Variants in WWP2 observed in about 807,000 individuals in gnomAD.
WWP2 encodes NEDD4-like E3 ubiquitin-protein ligase WWP2.
In WWP2, 57 loss-of-function variants were observed where a neutral mutation model predicts 121.0. The observed-to-expected ratio is 0.47, with a 90% CI of 0.38 to 0.59. The LOEUF (loss-of-function observed/expected upper bound fraction) is 0.59. Ranked by LOEUF, WWP2 falls within the 20% of genes least tolerant of loss-of-function variation. The pLI, the probability that WWP2 is intolerant of heterozygous loss-of-function variation, is 0.00. For synonymous variants in WWP2, 449 were observed against 441.3 expected (o/e 1.02, Z -0.22); for missense variants, 962 against 1,158.9 (o/e 0.83, Z 2.47).
chr16:69,856,972 A>G (rs1311033045), intron 6 of WWP2, among the ~76,000 whole-genome samples: 2 of 151,958 alleles, frequency 1.3e-5, no homozygotes, highest in Non-Finnish European at 2.9e-5. Flanking sequence ...GTTTTAAAAA[A>G]CCATATGATT....
rs139105338 is a variant in WWP2, at chr16:69,931,833, G to A, written c.1625G>A (p.Arg542His). Reference protein sequence around the residue: ...IMNMKPYDLRRRLYIIMRGEE... With the variant: ...IMNMKPYDLRHRLYIIMRGEE... ...AACATGAAACCCTATGACCTGCGCC[G>A]CCGGCTCTACATCATCATGCGTGGC... Residue 542 changes from arginine to histidine, a missense_variant, in exon 16 of 24, where the codon CGC (arginine) becomes CAC (histidine). Transcript: ENST00000359154. The A allele has an allele frequency of 8.3e-5, 134 of 1,613,482 alleles. No homozygotes were observed. Among genetic ancestry groups the A allele is most frequent in the Non-Finnish European group, 1.0e-4 (122 of 1,180,002 alleles).
At chr16:69,768,804 C>T (rs1246434857) in intron 1 of WWP2, among the ~76,000 whole-genome samples, 5 of 152,116 alleles carry the variant, frequency 3.3e-5, no homozygotes, top group Non-Finnish European at 2.9e-5. Flanking sequence ...TGCTCCCTCC[C>T]GTTTTCTCTT....
chr16:69,848,474 G>A (rs1354795557), intron 6 of WWP2, among the ~76,000 whole-genome samples: 2 of 150,194 alleles, frequency 1.3e-5, no homozygotes, highest in Non-Finnish European at 3.0e-5. Flanking sequence ...AAACAAACAA[G>A]AAGCGAAGTG....
chr16:69,866,308 TTATTTATTTATG>T (rs1186834793), intron 6 of WWP2, among the ~76,000 whole-genome samples: 1 of 80,650 alleles, frequency 1.2e-5, no homozygotes, highest in African/African-American at 4.1e-5. Context: ...ATTTATTTAT[TTATTTATTTATG>T]GAGACGGAGT....
intron 8 of WWP2, among the ~76,000 whole-genome samples, chr16:69,903,402 T>A (rs1227051962): frequency 2.0e-5 from 3 of 152,216 alleles, no homozygotes; most frequent in Non-Finnish European, 2.9e-5. Context: ...TTTCTCTCCT[T>A]GTCTCAAATG....
At chr16:69,826,488 G>T (rs1471842352) in intron 4 of WWP2, among the ~76,000 whole-genome samples, 3 of 149,890 alleles carry the variant, frequency 2.0e-5, no homozygotes, top group African/African-American at 7.4e-5. Flanking sequence ...AGGAGAATTG[G>T]CTGAACCCAG....
rs1222637654 is a variant in WWP2, at chr16:69,937,164, A to G, written c.2164A>G (p.Lys722Glu). The G allele has an allele frequency of 6.2e-7, 1 of 1,614,048 alleles. No homozygotes were observed. Among genetic ancestry groups the G allele is most frequent in the Non-Finnish European group, 8.5e-7 (1 of 1,180,004 alleles). The stretch of plus-strand genomic sequence containing the variant: ...CACCCGAGGCGTGGAAGAGCAGACC[A>G]AAGCCTTCCTGGATGGCTTCAACGA... Reference protein sequence around the residue: ...RFTRGVEEQTKAFLDGFNEVA... With the variant: ...RFTRGVEEQTEAFLDGFNEVA... The change falls in exon 20 of 24, where the codon AAA (lysine) becomes GAA (glutamate). Residue 722 changes from lysine to glutamate, a missense_variant. By Grantham distance (56) the Lys-to-Glu change is moderately conservative. Coordinates refer to ENST00000359154, the MANE Select transcript of WWP2 (RefSeq NM_001270454.2). The surrounding 1 kb of genome is among the most constrained non-coding windows in gnomAD (Gnocchi z 6.6).
In WWP2 at chr16:69,899,854, T is replaced by G. The variant is rs183016869; in HGVS notation, c.915-8907T>G. Among the ~76,000 whole-genome samples the G allele has an allele frequency of 4.6e-4, 70 of 152,250 alleles. 1 individual carries two copies. Among genetic ancestry groups the G allele is most frequent in the African/African-American group, 1.5e-3 (61 of 41,540 alleles). ...TCTTACAATCGATGGCATTTTAGATTTGATGAAAAACAATATATAATTTCT... is the reference window on the plus strand; with the variant it reads ...TCTTACAATCGATGGCATTTTAGATGTGATGAAAAACAATATATAATTTCT... On this transcript the variant is annotated intron_variant, in intron 8 of 23. Transcript: ENST00000359154.
chr16:69,790,969 G>C (rs1335568395), intron 2 of WWP2, among the ~76,000 whole-genome samples: 1 of 152,100 alleles, frequency 6.6e-6, no homozygotes, highest in Non-Finnish European at 1.5e-5. Context: ...TTACATTATT[G>C]ATTGTTTTTG....
At chr16:69,792,060 T>C (rs1473723340) in intron 2 of WWP2, among the ~76,000 whole-genome samples, 1 of 152,128 alleles carries the variant, frequency 6.6e-6, no homozygotes, top group Non-Finnish European at 1.5e-5. Flanking sequence ...ACCATTTAAA[T>C]AGCGTAGGTG....
At chr16:69,906,365 C>T (rs765309143) in intron 8 of WWP2, among the ~76,000 whole-genome samples, 3 of 152,176 alleles carry the variant, frequency 2.0e-5, no homozygotes, top group Non-Finnish European at 4.4e-5. Flanking sequence ...AGCCACCGCA[C>T]CCGGCCTTAC....
chr16:69,861,278 G>A lies in WWP2; in HGVS notation c.576-10526G>A, dbSNP rs537439958. Reference sequence around the variant, plus strand: ...CTAGCTCTCTTTGAAGTTTGGGAGGGCATTTGAGCACTCTTCTCAGCTAAG... The same window carrying A: ...CTAGCTCTCTTTGAAGTTTGGGAGGACATTTGAGCACTCTTCTCAGCTAAG... On this transcript the variant is annotated intron_variant, in intron 6 of 23. Transcript: ENST00000359154. Among the ~76,000 whole-genome samples, 36 of 152,298 alleles carry A rather than the reference G, an allele frequency of 2.4e-4. No individual in the cohort carries two copies. The Middle Eastern group carries it at 0.024, about 101-fold the overall frequency.
intron 6 of WWP2, among the ~76,000 whole-genome samples, chr16:69,853,001 G>A (rs1158145809): frequency 1.3e-5 from 2 of 152,210 alleles, no homozygotes; most frequent in Non-Finnish European, 2.9e-5. Context: ...GAAGGCAAGA[G>A]CAGTTCACAA....
chr16:69,838,857 T>C, intron 4 of WWP2: 1 of 985,262 alleles, frequency 1.0e-6, no homozygotes, highest in Non-Finnish European at 1.2e-6. Flanking sequence ...TAAGGGAAGG[T>C]AGAGCGCTTA....
chr16:69,910,202 A>G lies in WWP2; in HGVS notation c.1004+1352A>G, dbSNP rs77787174. On this transcript the variant is annotated intron_variant, in intron 9 of 23. Coordinates refer to ENST00000359154, the MANE Select transcript of WWP2 (RefSeq NM_001270454.2). Reference sequence around the variant, plus strand: ...TCACATCATCTATCCATATTTCACTATGTATTTCTAAAACATATTCTTTTA... The same window carrying G: ...TCACATCATCTATCCATATTTCACTGTGTATTTCTAAAACATATTCTTTTA... 3.6e-4 allele frequency: 93 copies of G among 257,966 alleles called. 2 individuals are homozygous for G. In the East Asian group the frequency reaches 0.015, roughly 42 times the overall value. The allele number at this position is 257,966 out of a possible 1,614,324, so 16.0% of individuals were successfully genotyped here.
At chr16:69,827,942 G>A (rs1422265270) in intron 4 of WWP2, 1 of 455,024 alleles carries the variant, frequency 2.2e-6, no homozygotes, top group African/African-American at 2.0e-5. Flanking sequence ...GATTTACCAA[G>A]ACGGATGAAA....
intron 8 of WWP2, among the ~76,000 whole-genome samples, chr16:69,898,369 A>G (rs1479797656): frequency 6.6e-6 from 1 of 152,124 alleles, no homozygotes; most frequent in Non-Finnish European, 1.5e-5. Context: ...GAATTTCTGC[A>G]TTATAGGAAA....
rs1319456429 is a variant in WWP2, at chr16:69,941,731, C to T, written c.*1791C>T. The T allele has an allele frequency of 3.3e-5, 5 of 153,468 alleles. No individual in the cohort carries two copies. Among genetic ancestry groups the T allele is most frequent in the African/African-American group, 1.2e-4 (5 of 41,442 alleles). The allele number at this position is 153,468 out of a possible 1,614,324, so 9.5% of individuals were successfully genotyped here. ...GCCAGTTTCTTGTGCAATAAACAAT[C>T]AGCAGCTGTGGGTGGTGTTGTTGTG... is the stretch of plus-strand genomic sequence containing the variant. On this transcript the variant is annotated 3_prime_UTR_variant, in exon 24 of 24. Transcript: ENST00000359154.
In WWP2 at chr16:69,904,749, C is replaced by T. The variant is rs115163254; in HGVS notation, c.915-4012C>T. On this transcript the variant is annotated intron_variant, in intron 8 of 23. Coordinates refer to ENST00000359154, the MANE Select transcript of WWP2 (RefSeq NM_001270454.2). ...ATACTAAATGAAATATGAAGATCTCCCTTTTGCAGTGGGAGGAACCAGGGC... is the reference window on the plus strand; with the variant it reads ...ATACTAAATGAAATATGAAGATCTCTCTTTTGCAGTGGGAGGAACCAGGGC... 6.0e-3 allele frequency among the ~76,000 whole-genome samples: 919 copies of T among 152,204 alleles called. 8 individuals carry two copies. Among genetic ancestry groups the T allele is most frequent in the African/African-American group, 0.021 (865 of 41,528 alleles).
Sources: allele counts gnomAD v4.1 joint callset (sites outside exome capture counted in the v4.1 genomes callset), GRCh38; gene constraint gnomAD v4.1.1; non-coding constraint Gnocchi (gnomAD v3.1); transcripts MANE v1.5; gene names NCBI Gene and HGNC (gene_info 2026-07-23, HGNC 2026-07-21).